Variants in MECOM observed in about 807,000 individuals in gnomAD.
The protein encoded by MECOM is histone-lysine N-methyltransferase MECOM.
Under a neutral mutation model 116.3 loss-of-function variants are expected in MECOM, and 13 were observed. The ratio of observed to expected loss-of-function variants is 0.11; its 90% CI spans 0.07 to 0.18. The LOEUF (loss-of-function observed/expected upper bound fraction) is 0.18, where lower values mean the gene tolerates loss of function less well. Ranked by LOEUF, MECOM falls within the 10% of genes least tolerant of loss-of-function variation. The pLI is 1.00. For missense variants in MECOM, 1,299 were observed against 1,509.0 expected (o/e 0.86, Z 2.31); for synonymous variants, 528 against 535.2 (o/e 0.99, Z 0.19).
intron 1 of MECOM, among the ~76,000 whole-genome samples, chr3:169,637,961 A>G (rs1577223940): frequency 6.6e-6 from 1 of 152,246 alleles, no homozygotes; most frequent in African/African-American, 2.4e-5. Context: ...CAAATGATTA[A>G]AACTTCAACA....
At chr3:169,651,340 T>G (rs879458802) in intron 1 of MECOM, among the ~76,000 whole-genome samples, 1 of 152,204 alleles carries the variant, frequency 6.6e-6, no homozygotes, top group Non-Finnish European at 1.5e-5. Flanking sequence ...TATTAAACCA[T>G]CCCTGCAAGT....
intron 1 of MECOM, among the ~76,000 whole-genome samples, chr3:169,639,877 A>T (rs1194205605): frequency 6.6e-6 from 1 of 152,216 alleles, no homozygotes; most frequent in Admixed American, 6.5e-5. Context: ...ACTAACTCCA[A>T]AATCTCAGTG....
intron 2 of MECOM, chr3:169,146,638 G>T (rs1577171286): frequency 2.2e-6 from 3 of 1,365,218 alleles, no homozygotes; most frequent in Non-Finnish European, 2.9e-6. Flanking sequence ...CCGTAGAAAC[G>T]GTGCCCCGGC....
intron 2 of MECOM, chr3:169,147,101 T>C (rs1740144058): frequency 2.0e-6 from 2 of 986,514 alleles, no homozygotes; most frequent in African/African-American, 1.7e-5. Flanking sequence ...TCCTTCTGGT[T>C]CACATCACCT....
chr3:169,546,452 T>C (rs570778283), intron 1 of MECOM, among the ~76,000 whole-genome samples: 1 of 152,322 alleles, frequency 6.6e-6, no homozygotes, highest in South Asian at 2.1e-4. Flanking sequence ...CTCACCTAAA[T>C]CAACTCCCCT....
rs774102799 is a variant in MECOM, at chr3:169,121,126, G to A, written c.1062C>T (p.Gly354=). Residue 354 remains glycine, a synonymous_variant, in exon 7 of 17, where the codon GGC becomes GGT. Coordinates refer to ENST00000651503, the MANE Select transcript of MECOM (RefSeq NM_004991.4). ...GARAHACPEC[G]KTFATSSGLK... Reference sequence around the variant, plus strand: ...GGCCCGACGAAGTGGCAAACGTTTTGCCACACTCCGGGCATGCATGGGCCC... The same window carrying A: ...GGCCCGACGAAGTGGCAAACGTTTTACCACACTCCGGGCATGCATGGGCCC... The A allele has an allele frequency of 6.2e-7, 1 of 1,613,638 alleles. No homozygotes were observed. The highest frequency in any genetic ancestry group is 1.1e-5 in the South Asian group (1 of 90,936).
chr3:169,268,920 C>T (rs1758612488), intron 2 of MECOM, among the ~76,000 whole-genome samples: 1 of 152,128 alleles, frequency 6.6e-6, no homozygotes, highest in Non-Finnish European at 1.5e-5. Flanking sequence ...GGGCGGAAGA[C>T]ACACAGTTTC....
At chr3:169,544,392 C>T (rs1760464490) in intron 1 of MECOM, among the ~76,000 whole-genome samples, 1 of 152,132 alleles carries the variant, frequency 6.6e-6, no homozygotes. Context: ...AATGGTATTG[C>T]TGGGTCAAAT....
At position 169,352,159 on chromosome 3, in the gene MECOM, A is replaced by G. The variant is rs539878926; in HGVS notation, c.375+29028T>C. On this transcript the variant is annotated intron_variant, in intron 2 of 16. Coordinates refer to ENST00000651503, the MANE Select transcript of MECOM (RefSeq NM_004991.4). ...ATCTGATACGTTTTGTTTCTTTTAC[A>G]TTTCATTTTACATAGCCGTAGTTAC... Among the ~76,000 whole-genome samples, 3 of 152,006 alleles carry G rather than the reference A, an allele frequency of 2.0e-5. No individual in the cohort carries two copies. The South Asian group carries it at 6.2e-4, about 32-fold the overall frequency.
chr3:169,362,144 T>A (rs534547233), intron 2 of MECOM, among the ~76,000 whole-genome samples: 16 of 151,914 alleles, frequency 1.1e-4, no homozygotes, highest in Non-Finnish European at 1.8e-4. Flanking sequence ...TATATTAGGT[T>A]GGTGTAAAAG....
chr3:169,630,246 T>G (rs1260158740), intron 1 of MECOM, among the ~76,000 whole-genome samples: 1 of 152,028 alleles, frequency 6.6e-6, no homozygotes, highest in African/African-American at 2.4e-5. Flanking sequence ...GACACAAAAC[T>G]TTTGCTTATG....
chr3:169,570,666 G>T (rs1307209779), intron 1 of MECOM, among the ~76,000 whole-genome samples: 1 of 152,198 alleles, frequency 6.6e-6, no homozygotes, highest in African/African-American at 2.4e-5. Flanking sequence ...TCTTCCCTGG[G>T]ATGCAAGTCT....
chr3:169,255,041 A>G (rs943371022), intron 2 of MECOM, among the ~76,000 whole-genome samples: 22 of 152,162 alleles, frequency 1.4e-4, no homozygotes, highest in Non-Finnish European at 1.5e-5. Flanking sequence ...ATGCACAAAC[A>G]CTGAAACCTG....
intron 2 of MECOM, among the ~76,000 whole-genome samples, chr3:169,176,927 T>C (rs867828411): frequency 1.3e-5 from 2 of 152,118 alleles, no homozygotes; most frequent in African/African-American, 2.4e-5. Flanking sequence ...TACCATCTCA[T>C]GCCAGTCAGA....
At chr3:169,623,772 C>T (rs1771028377) in intron 1 of MECOM, 1 of 151,964 alleles carries the variant, frequency 6.6e-6, no homozygotes, top group South Asian at 2.1e-4. Flanking sequence ...AATTTTTAGA[C>T]AGATAAAATG....
chr3:169,258,331 C>T (rs1161573600), intron 2 of MECOM, among the ~76,000 whole-genome samples: 1 of 152,088 alleles, frequency 6.6e-6, no homozygotes, highest in African/African-American at 2.4e-5. Context: ...GAGATTAGAA[C>T]TAGAAGTGAT....
chr3:169,149,663 A>C (rs760607769), intron 2 of MECOM: 2 of 502,062 alleles, frequency 4.0e-6, no homozygotes, highest in South Asian at 1.5e-5. Flanking sequence ...TGTAGACATC[A>C]GCCTGAGAGA....
In MECOM at chr3:169,311,199, C is replaced by A. The variant is rs977928781; in HGVS notation, c.375+69988G>T. 2.0e-5 allele frequency among the ~76,000 whole-genome samples: 3 copies of A among 151,998 alleles called. No homozygotes were observed. In the South Asian group the frequency reaches 6.2e-4, roughly 32 times the overall value. On this transcript the variant is annotated intron_variant, in intron 2 of 16. Coordinates refer to ENST00000651503, the MANE Select transcript of MECOM (RefSeq NM_004991.4). The stretch of plus-strand genomic sequence containing the variant: ...CTATATTCAATTATGTCAGTTGGTA[C>A]AAGTAAATTTCCAGCTTTGCCTTAG...
intron 2 of MECOM, among the ~76,000 whole-genome samples, chr3:169,149,282 C>T (rs1428766420): frequency 2.0e-5 from 3 of 152,114 alleles, no homozygotes; most frequent in Admixed American, 6.5e-5. Flanking sequence ...GCGGCCCCCA[C>T]CTCCTTGCCC....
Sources: gnomAD v4.1 joint callset for allele counts (sites outside exome capture counted in the v4.1 genomes callset) on GRCh38, gnomAD v4.1.1 for gene constraint, MANE v1.5 for transcripts, NCBI Gene and HGNC (gene_info 2026-07-23, HGNC 2026-07-21) for gene names.